The following GPR35 variants were observed in gnomAD, a reference collection of about 807,000 sequenced individuals.
The protein encoded by GPR35 is KYNA receptor.
For missense variants in GPR35, 372 were observed against 422.5 expected (o/e 0.88, Z 1.05); for synonymous variants, 207 against 198.4 (o/e 1.04, Z -0.36).
upstream of GPR35, among the ~76,000 whole-genome samples, chr2:240,624,227 G>GGGAGTTGAGATCGGGCA (rs1282711761): frequency 1.5e-4 from 7 of 46,720 alleles, no homozygotes; most frequent in South Asian, 3.5e-3. Flanking sequence ...AGTGAGGGAT[G>GGGAGTTGAGATCGGGCA]GATGAAATCC....
chr2:240,611,824 T>A (rs2043184622), intron 2 of GPR35, among the ~76,000 whole-genome samples: 1 of 151,892 alleles, frequency 6.6e-6, no homozygotes, highest in Admixed American at 6.6e-5. Flanking sequence ...GGCAGAGGGG[T>A]GACTGTTGAA....
intron 2 of GPR35, among the ~76,000 whole-genome samples, chr2:240,613,416 C>T (rs1245743706): frequency 6.6e-6 from 1 of 152,092 alleles, no homozygotes; most frequent in East Asian, 1.9e-4. Context: ...AGTGAGGGAG[C>T]ACCAAGTAAA....
chr2:240,622,455 C>G (rs74576632), upstream of GPR35, among the ~76,000 whole-genome samples: 1 of 152,182 alleles, frequency 6.6e-6, no homozygotes, highest in Non-Finnish European at 1.5e-5. Flanking sequence ...TTTGGCTTCC[C>G]CGGGCCGCAT....
At chr2:240,626,906 G>A (rs995341839) in intron 1 of GPR35, among the ~76,000 whole-genome samples, 2 of 152,214 alleles carry the variant, frequency 1.3e-5, no homozygotes, top group Non-Finnish European at 2.9e-5. Flanking sequence ...TGGATCGCCC[G>A]TCTATGGCCA....
upstream of GPR35, among the ~76,000 whole-genome samples, chr2:240,623,408 A>AGCTTTGGG (rs2043327178): frequency 1.3e-5 from 1 of 75,578 alleles, no homozygotes; most frequent in Admixed American, 1.2e-4. Flanking sequence ...GTGAGGGCGC[A>AGCTTTGGG]AACAGATCGT....
chr2:240,607,464 T>C (rs1347993072), intron 2 of GPR35: 2 of 152,220 alleles, frequency 1.3e-5, no homozygotes, highest in Non-Finnish European at 2.9e-5. Flanking sequence ...GTGCTGGGAT[T>C]ATAGGCTGGG....
At chr2:240,626,888 GGT>G (rs2043384602) in intron 1 of GPR35, among the ~76,000 whole-genome samples, 1 of 152,206 alleles carries the variant, frequency 6.6e-6, no homozygotes, top group Admixed American at 6.5e-5. Context: ...GAGGGGCTCT[GGT>G]GTGGCTGGAT....
chr2:240,615,002 A>C (rs1484042782), intron 2 of GPR35, among the ~76,000 whole-genome samples: 2 of 151,886 alleles, frequency 1.3e-5, no homozygotes, highest in Non-Finnish European at 2.9e-5. Flanking sequence ...GCGAGTGTGC[A>C]TGTGTGTATG....
Position 240,614,888 on chromosome 2 carries a change from A to G in GPR35, c.-576-1500A>G, listed in dbSNP as rs866180936. Among the ~76,000 whole-genome samples the G allele has an allele frequency of 1.4e-4, 21 of 151,918 alleles. No homozygotes were observed. The South Asian group carries it at 2.7e-3, about 19-fold the overall frequency. On this transcript the variant is annotated intron_variant, in intron 2 of 5. Transcript: ENST00000319838. ...ATATGTAGTATCTATATATATGTGT[A>G]TGTGTATATATGTATATATGTGTGC...
upstream of GPR35, among the ~76,000 whole-genome samples, chr2:240,623,793 G>A (rs929411689): frequency 9.8e-5 from 15 of 152,312 alleles, no homozygotes; most frequent in African/African-American, 3.6e-4. Context: ...GTCTCTAAAT[G>A]TCCAGTTTCT....
upstream of GPR35, among the ~76,000 whole-genome samples, chr2:240,624,189 G>C (rs960235183): frequency 6.6e-6 from 1 of 151,818 alleles, no homozygotes; most frequent in Non-Finnish European, 1.5e-5. Context: ...GCCTTCTGCT[G>C]ACCCCAGAGG....
intron 2 of GPR35, among the ~76,000 whole-genome samples, chr2:240,609,901 A>G (rs538021596): frequency 1.3e-5 from 2 of 151,978 alleles, no homozygotes; most frequent in Non-Finnish European, 2.9e-5. Flanking sequence ...GTAATTAGGT[A>G]CATACACATT....
At chr2:240,611,220 G>A (rs182167713) in intron 2 of GPR35, among the ~76,000 whole-genome samples, 15 of 151,960 alleles carry the variant, frequency 9.9e-5, no homozygotes, top group Non-Finnish European at 1.6e-4. Context: ...CACCCACCTC[G>A]GCCTCACAAA....
At position 240,629,952 on chromosome 2, in the gene GPR35, C is replaced by T. The variant is rs566149669; in HGVS notation, c.-1C>T. The T allele has an allele frequency of 6.8e-5, 109 of 1,598,324 alleles. 2 individuals carry two copies. In the South Asian group the frequency reaches 1.1e-3, roughly 16 times the overall value. On this transcript the variant is annotated 5_prime_UTR_variant, in exon 2 of 2. Coordinates refer to ENST00000407714, the MANE Select transcript of GPR35 (RefSeq NM_005301.5). ...CCGGCTCCCTGTGCTGCCCCAGGAC[C>T]ATGAATGGCACCTACAACACCTGTG...
chr2:240,607,786 C>T (rs924512038), intron 2 of GPR35, among the ~76,000 whole-genome samples: 1 of 151,882 alleles, frequency 6.6e-6, no homozygotes, highest in Non-Finnish European at 1.5e-5. Context: ...TCCCCGCCTT[C>T]CTCCTCTTCT....
intron 2 of GPR35, among the ~76,000 whole-genome samples, chr2:240,615,852 G>T (rs2043231915): frequency 6.6e-6 from 1 of 152,246 alleles, no homozygotes; most frequent in African/African-American, 2.4e-5. Context: ...CCACAATGGA[G>T]TTTTGCAGCA....
At chr2:240,621,560 T>C (rs1033691662), upstream of GPR35, among the ~76,000 whole-genome samples, 2 of 152,220 alleles carry the variant, frequency 1.3e-5, no homozygotes, top group Non-Finnish European at 2.9e-5. Flanking sequence ...GCCAATGTGT[T>C]GTTTTAGTAA....
intron 2 of GPR35, among the ~76,000 whole-genome samples, chr2:240,613,898 C>A (rs931430222): frequency 6.6e-6 from 1 of 151,502 alleles, no homozygotes; most frequent in African/African-American, 2.4e-5. Context: ...TTACCCCTAA[C>A]CATAACACTA....
intron 2 of GPR35, among the ~76,000 whole-genome samples, chr2:240,610,263 A>G (rs1361794880): frequency 6.6e-6 from 1 of 151,954 alleles, no homozygotes; most frequent in African/African-American, 2.4e-5. Context: ...GGTCCGTGAA[A>G]TGTCCCTTTT....
Sources: allele counts gnomAD v4.1 joint callset (sites outside exome capture counted in the v4.1 genomes callset), GRCh38; gene constraint gnomAD v4.1.1; transcripts MANE v1.5; gene names NCBI Gene and HGNC (gene_info 2026-07-23, HGNC 2026-07-21).